The following RBFOX1 variants were observed in gnomAD, a reference collection of about 807,000 sequenced individuals.
The protein encoded by RBFOX1 is RNA binding fox-1 homolog 1.
Under a neutral mutation model 57.7 loss-of-function variants are expected in RBFOX1, and 8 were observed. The ratio of observed to expected loss-of-function variants is 0.14; its 90% CI spans 0.08 to 0.25. RBFOX1 has a LOEUF of 0.25. Among genes scored for constraint, RBFOX1 ranks in the 10% least tolerant of loss-of-function variants. The probability of loss-of-function intolerance (pLI) is 1.00; values close to 1 mark genes in which losing one functional copy is unlikely to be tolerated. For synonymous variants in RBFOX1, 326 were observed against 222.4 expected (o/e 1.47, Z -4.15); for missense variants, 611 against 548.5 (o/e 1.11, Z -1.14).
Position 6,447,715 on chromosome 16 carries a change from C to T in RBFOX1, c.-64+130658C>T, listed in dbSNP as rs148654837. On this transcript the variant is annotated intron_variant, in intron 2 of 15. Coordinates refer to ENST00000550418, the MANE Select transcript of RBFOX1 (RefSeq NM_018723.4). ...AATTCATAATCCAGATTTTGAAAGC[C>T]GCCTGTATGCCACACCAAATGCTGC... is the stretch of plus-strand genomic sequence containing the variant. 3.7e-4 allele frequency among the ~76,000 whole-genome samples: 56 copies of T among 152,242 alleles called. 1 individual carries two copies. The East Asian group carries it at 7.5e-3, about 20-fold the overall frequency.
chr16:5,322,383 G>A (rs541303290), intron 1 of RBFOX1, among the ~76,000 whole-genome samples: 10 of 152,250 alleles, frequency 6.6e-5, no homozygotes, highest in African/African-American at 1.2e-4. Flanking sequence ...GTGTGTGCAC[G>A]CCTAGGGGTT....
chr16:6,127,311 A>T (rs143927633), intron 1 of RBFOX1, among the ~76,000 whole-genome samples: 1 of 151,124 alleles, frequency 6.6e-6, no homozygotes, highest in African/African-American at 2.4e-5. Flanking sequence ...GTTTTCCAGT[A>T]TTGTTTTTCT....
At chr16:5,423,585 G>A (rs2067421400) in intron 1 of RBFOX1, among the ~76,000 whole-genome samples, 1 of 152,134 alleles carries the variant, frequency 6.6e-6, no homozygotes, top group African/African-American at 2.4e-5. Flanking sequence ...ATTGCTGCGT[G>A]TCTGTGAGGC....
chr16:6,279,486 C>T (rs1027442604), intron 1 of RBFOX1, among the ~76,000 whole-genome samples: 2 of 152,098 alleles, frequency 1.3e-5, no homozygotes, highest in Non-Finnish European at 2.9e-5. Flanking sequence ...GAAAATACTG[C>T]AGGGGATAAA....
In RBFOX1 at chr16:6,995,289, C is replaced by T. The variant is rs929551097; in HGVS notation, c.-15-56768C>T. On this transcript the variant is annotated intron_variant, in intron 3 of 15. Coordinates refer to ENST00000550418, the MANE Select transcript of RBFOX1 (RefSeq NM_018723.4). ...AAAATGACTATGATCTGAAAGTAGC[C>T]TTGTGTGTGTGTGTGTGTGTGTGTG... Among the ~76,000 whole-genome samples the T allele has an allele frequency of 1.2e-3, 75 of 62,158 alleles. 1 individual carries two copies. The highest frequency in any genetic ancestry group is 1.3e-3 in the Non-Finnish European group (41 of 30,834). 40.8% of individuals were successfully genotyped at this position (62,158 alleles called of 152,430 possible).
intron 1 of RBFOX1, among the ~76,000 whole-genome samples, chr16:6,178,820 G>A (rs928489376): frequency 1.1e-4 from 17 of 152,128 alleles, no homozygotes; most frequent in Admixed American, 1.1e-3. Context: ...GCAAGGGCCT[G>A]TTTTTCACTT....
intron 4 of RBFOX1, among the ~76,000 whole-genome samples, chr16:5,927,637 A>G (rs1357536444): frequency 6.6e-6 from 1 of 152,248 alleles, no homozygotes; most frequent in Non-Finnish European, 1.5e-5. Context: ...TCGAAGAGAT[A>G]TCTGCAGTCT....
chr16:7,359,476 CT>C (rs1300273755), intron 4 of RBFOX1, among the ~76,000 whole-genome samples: 4 of 152,144 alleles, frequency 2.6e-5, no homozygotes, highest in African/African-American at 9.7e-5. Flanking sequence ...TTACTACTCC[CT>C]GTGGAGCTTG....
chr16:5,403,361 A>AAAAC (rs1555509342), intron 1 of RBFOX1, among the ~76,000 whole-genome samples: 5,226 of 147,074 alleles, frequency 0.036, 283 homozygotes, highest in African/African-American at 0.11. Flanking sequence ...AAAAAAAAAA[A>AAAAC]AAAAAACAAA....
intron 1 of RBFOX1, among the ~76,000 whole-genome samples, chr16:5,343,234 G>A (rs2065069134): frequency 1.3e-5 from 2 of 149,432 alleles, no homozygotes; most frequent in African/African-American, 4.9e-5. Context: ...CATACCTAAA[G>A]TCCTACTTCT....
chr16:7,333,776 T>G (rs113306128), intron 4 of RBFOX1, among the ~76,000 whole-genome samples: 1 of 145,288 alleles, frequency 6.9e-6, no homozygotes, highest in Non-Finnish European at 1.5e-5. Flanking sequence ...CCTTTTTTTT[T>G]CCCCCTCATC....
chr16:5,427,631 C>A (rs560580859), intron 1 of RBFOX1, among the ~76,000 whole-genome samples: 2 of 147,714 alleles, frequency 1.4e-5, no homozygotes, highest in East Asian at 4.0e-4. Context: ...AAACAAATCA[C>A]CCTGCAAGGT....
At chr16:6,633,676 C>T (rs888571488) in intron 2 of RBFOX1, among the ~76,000 whole-genome samples, 14 of 152,168 alleles carry the variant, frequency 9.2e-5, no homozygotes, top group South Asian at 6.2e-4. Context: ...CAGCCAGTTA[C>T]TGATGGCTGT....
At position 5,789,592 on chromosome 16, in the gene RBFOX1, A is replaced by G. The variant is rs539755678; in HGVS notation, c.319-77711A>G. Reference sequence around the variant, plus strand: ...GGCACTAGTATTTTACCAGCTACTGAGAGCTTATTATTGTTCTCTTTTGGT... The same window carrying G: ...GGCACTAGTATTTTACCAGCTACTGGGAGCTTATTATTGTTCTCTTTTGGT... On this transcript the variant is annotated intron_variant, in intron 3 of 19. Transcript: ENST00000641259. 1.1e-4 allele frequency among the ~76,000 whole-genome samples: 17 copies of G among 152,306 alleles called. No individual in the cohort carries two copies. The South Asian group carries it at 3.5e-3, about 32-fold the overall frequency.
intron 4 of RBFOX1, among the ~76,000 whole-genome samples, chr16:5,951,711 C>A (rs991209018): frequency 6.6e-6 from 1 of 152,118 alleles, no homozygotes; most frequent in Non-Finnish European, 1.5e-5. Context: ...CAGGTAGCCA[C>A]TTCCTTGTAT....
chr16:5,721,380 C>G (rs894020606), intron 3 of RBFOX1, among the ~76,000 whole-genome samples: 3 of 152,020 alleles, frequency 2.0e-5, no homozygotes, highest in Admixed American at 2.0e-4. Flanking sequence ...GATTAGTTGG[C>G]TTTTCTGTGT....
chr16:7,437,931 A>G (rs1230693899), intron 4 of RBFOX1, among the ~76,000 whole-genome samples: 8 of 151,768 alleles, frequency 5.3e-5, no homozygotes, highest in Middle Eastern at 6.8e-3. Context: ...GCACACCGCG[A>G]TCATCAATTT....
At chr16:6,778,518 G>T (rs2079775482) in intron 3 of RBFOX1, among the ~76,000 whole-genome samples, 1 of 152,042 alleles carries the variant, frequency 6.6e-6, no homozygotes, top group African/African-American at 2.4e-5. Flanking sequence ...GATTCCCTAA[G>T]ATGATTAATA....
rs563228483 is a variant in RBFOX1, at chr16:6,038,611, C to G, written c.-127+18619C>G. ...AAAATCCATATATATATATATATCT[C>G]CATGGAGATATATATATATATGTGT... On this transcript the variant is annotated intron_variant, in intron 1 of 15. Transcript: ENST00000550418. The G allele has an allele frequency of 2.2e-4, 32 of 144,290 alleles. No individual in the cohort carries two copies. In the East Asian group the frequency reaches 3.8e-3, roughly 17 times the overall value. The allele number at this position is 144,290 out of a possible 1,614,324, so 8.9% of individuals were successfully genotyped here. A position where few individuals can be genotyped will look rare whatever the true frequency, so the allele number is the denominator to read the frequency against.
Sources: gnomAD v4.1 joint callset for allele counts (sites outside exome capture counted in the v4.1 genomes callset) on GRCh38, gnomAD v4.1.1 for gene constraint, MANE v1.5 for transcripts, NCBI Gene and HGNC (gene_info 2026-07-23, HGNC 2026-07-21) for gene names.